The following CLSTN2 variants were observed in gnomAD, a reference collection of about 807,000 sequenced individuals.
CLSTN2 encodes the protein calsyntenin-2.
In CLSTN2, 48 loss-of-function variants were observed where a neutral mutation model predicts 101.2. The ratio of observed to expected loss-of-function variants is 0.47; its 90% CI spans 0.38 to 0.60. The LOEUF (loss-of-function observed/expected upper bound fraction) is 0.60. CLSTN2 is among the 20% of genes least tolerant of loss of function. The pLI is 0.00. For missense variants in CLSTN2, 1,160 were observed against 1,238.2 expected (o/e 0.94, Z 0.95); for synonymous variants, 481 against 463.6 (o/e 1.04, Z -0.48).
intron 1 of CLSTN2, among the ~76,000 whole-genome samples, chr3:140,022,883 C>T (rs1292843892): frequency 6.6e-6 from 1 of 152,186 alleles, no homozygotes; most frequent in Non-Finnish European, 1.5e-5. Flanking sequence ...TGGAAAGGAG[C>T]AGATCCCTGA....
intron 2 of CLSTN2, among the ~76,000 whole-genome samples, chr3:140,364,588 G>C (rs1393822320): frequency 2.6e-5 from 4 of 152,178 alleles, no homozygotes; most frequent in Non-Finnish European, 4.4e-5. Flanking sequence ...GTGGGGTAGG[G>C]AGTGAGCAGC....
At chr3:140,521,777 T>A (rs1024316423) in intron 8 of CLSTN2, among the ~76,000 whole-genome samples, 1 of 152,196 alleles carries the variant, frequency 6.6e-6, no homozygotes, top group African/African-American at 2.4e-5. Flanking sequence ...AGGAACTTGG[T>A]CCTTCTCATG....
chr3:140,412,919 A>G (rs1165689668), intron 4 of CLSTN2, among the ~76,000 whole-genome samples: 6 of 152,226 alleles, frequency 3.9e-5, no homozygotes, highest in African/African-American at 1.4e-4. Flanking sequence ...AGGAATAAAT[A>G]GAAATAAATG....
intron 2 of CLSTN2, among the ~76,000 whole-genome samples, chr3:140,305,036 A>G (rs1453286573): frequency 2.1e-5 from 3 of 145,284 alleles, no homozygotes; most frequent in African/African-American, 7.5e-5. Context: ...ACACACACAC[A>G]CACACACACA....
At chr3:140,353,231 G>A (rs1039956612) in intron 2 of CLSTN2, among the ~76,000 whole-genome samples, 1 of 132,474 alleles carries the variant, frequency 7.5e-6, no homozygotes, top group Non-Finnish European at 1.6e-5. Context: ...ATATATATAT[G>A]TATGTTTACA....
intron 2 of CLSTN2, among the ~76,000 whole-genome samples, chr3:140,226,684 T>C (rs1021927706): frequency 6.6e-6 from 1 of 152,166 alleles, no homozygotes; most frequent in Non-Finnish European, 1.5e-5. Context: ...TATTAGTCCA[T>C]TTTCATGCTG....
At chr3:140,424,275 CTG>C (rs1223517013) in intron 5 of CLSTN2, among the ~76,000 whole-genome samples, 1 of 152,244 alleles carries the variant, frequency 6.6e-6, no homozygotes, top group African/African-American at 2.4e-5. Context: ...CTCTCAGTCA[CTG>C]CCCCAGTAGA....
intron 2 of CLSTN2, among the ~76,000 whole-genome samples, chr3:140,188,963 T>A (rs1007622477): frequency 2.0e-5 from 3 of 152,198 alleles, no homozygotes; most frequent in Non-Finnish European, 4.4e-5. Flanking sequence ...GGCAACAACT[T>A]ACCTGTTCTC....
intron 1 of CLSTN2, among the ~76,000 whole-genome samples, chr3:139,948,398 G>A (rs1265978154): frequency 6.6e-6 from 1 of 151,968 alleles, no homozygotes; most frequent in African/African-American, 2.4e-5. Flanking sequence ...CTGGGAGGCA[G>A]AGGTTGCAGT....
intron 4 of CLSTN2, among the ~76,000 whole-genome samples, chr3:140,410,724 T>C (rs528680299): frequency 1.3e-5 from 2 of 152,312 alleles, no homozygotes; most frequent in Non-Finnish European, 2.9e-5. Context: ...AAGACAAAAG[T>C]ATTAAAATCA....
intron 1 of CLSTN2, among the ~76,000 whole-genome samples, chr3:140,057,109 T>C (rs962326789): frequency 6.6e-6 from 1 of 152,200 alleles, no homozygotes; most frequent in East Asian, 1.9e-4. Flanking sequence ...ATGAAGCAAG[T>C]GTCATTATGC....
intron 1 of CLSTN2, among the ~76,000 whole-genome samples, chr3:139,953,553 C>T (rs1390981906): frequency 1.3e-5 from 2 of 152,140 alleles, no homozygotes; most frequent in Non-Finnish European, 2.9e-5. Flanking sequence ...TCTGTGCTTG[C>T]CAAGTGTGGC....
At chr3:140,236,134 C>A (rs959191556) in intron 2 of CLSTN2, among the ~76,000 whole-genome samples, 1 of 152,106 alleles carries the variant, frequency 6.6e-6, no homozygotes, top group Non-Finnish European at 1.5e-5. Context: ...TATCTTGTAT[C>A]CCTTGGGAAA....
At chr3:139,976,144 A>C (rs907639307) in intron 1 of CLSTN2, among the ~76,000 whole-genome samples, 1 of 152,216 alleles carries the variant, frequency 6.6e-6, no homozygotes, top group Non-Finnish European at 1.5e-5. Context: ...TTTGCAGAGT[A>C]GTCATAGCTG....
intron 6 of CLSTN2, among the ~76,000 whole-genome samples, chr3:140,451,093 C>G (rs1933237085): frequency 6.6e-6 from 1 of 152,252 alleles, no homozygotes; most frequent in Admixed American, 6.5e-5. Flanking sequence ...CCCCATGCAC[C>G]TGAATTATAA....
intron 2 of CLSTN2, among the ~76,000 whole-genome samples, chr3:140,244,387 A>G (rs1279279690): frequency 6.6e-6 from 1 of 152,190 alleles, no homozygotes; most frequent in African/African-American, 2.4e-5. Context: ...GACCCACCCT[A>G]CAACCGTCAG....
At chr3:140,474,583 A>G (rs1412785317) in intron 8 of CLSTN2, among the ~76,000 whole-genome samples, 2 of 152,180 alleles carry the variant, frequency 1.3e-5, no homozygotes, top group Non-Finnish European at 2.9e-5. Flanking sequence ...AGTAAAGCAA[A>G]TTCATGAAAT....
intron 1 of CLSTN2, among the ~76,000 whole-genome samples, chr3:140,102,252 G>A (rs991046423): frequency 5.9e-5 from 9 of 152,268 alleles, no homozygotes; most frequent in East Asian, 3.9e-4. Context: ...TCTCGAAGAC[G>A]GAGTTGTAGA....
chr3:140,015,608 A>G (rs867893792), intron 1 of CLSTN2, among the ~76,000 whole-genome samples: 6 of 152,220 alleles, frequency 3.9e-5, no homozygotes, highest in Admixed American at 6.5e-5. Flanking sequence ...ATTTCTGTCA[A>G]CCTAGTTGGA....
Sources: gnomAD v4.1 joint callset for allele counts (sites outside exome capture counted in the v4.1 genomes callset) on GRCh38, gnomAD v4.1.1 for gene constraint, MANE v1.5 for transcripts, NCBI Gene and HGNC (gene_info 2026-07-23, HGNC 2026-07-21) for gene names.